The following MCOLN2 variants were observed in gnomAD, a reference collection of about 807,000 sequenced individuals.
The protein encoded by MCOLN2 is mucolipin TRP cation channel 2, also known as mucolipin-2.
In MCOLN2, 57 loss-of-function variants were observed where a neutral mutation model predicts 67.5. The observed-to-expected ratio is 0.84, with a 90% CI of 0.68 to 1.05. The LOEUF is 1.05. Ranked by LOEUF, MCOLN2 falls within the 50% of genes least tolerant of loss-of-function variation. MCOLN2 has a pLI of 0.00. For synonymous variants in MCOLN2, 246 were observed against 233.3 expected, an observed-to-expected ratio of 1.05 and a Z score of -0.50; for missense variants, 620 against 678.8, an observed-to-expected ratio of 0.91 and a Z score of 0.96.
Position 84,996,777 on chromosome 1 carries a change from T to G in MCOLN2, c.77+19A>C. 1 of 1,609,448 alleles carries G rather than the reference T, an allele frequency of 6.2e-7. No homozygotes were observed. The highest frequency in any genetic ancestry group is 8.5e-7 in the Non-Finnish European group (1 of 1,175,882). ...TTCTCCAGTCCAGCATCCTGAAAGATGAAGCCCAGACTCCTCACCTGACGG... is the reference window on the plus strand; with the variant it reads ...TTCTCCAGTCCAGCATCCTGAAAGAGGAAGCCCAGACTCCTCACCTGACGG... On this transcript the variant is annotated intron_variant, in intron 1 of 13. Coordinates refer to ENST00000370608, the MANE Select transcript of MCOLN2 (RefSeq NM_153259.4).
At chr1:84,996,740 C>A in intron 1 of MCOLN2, 56 bp downstream of exon 1, 1 of 1,519,114 alleles carries the variant, frequency 6.6e-7, no homozygotes, top group Non-Finnish European at 9.1e-7. Context: ...AAGCCATCGA[C>A]TTTAGGAAGA....
intron 4 of MCOLN2, among the ~76,000 whole-genome samples, chr1:84,955,153 T>C (rs543565162): frequency 6.6e-6 from 1 of 152,186 alleles, no homozygotes; most frequent in African/African-American, 2.4e-5. Flanking sequence ...TTCTCCTTCC[T>C]GCCACCATGT....
At chr1:84,936,041 G>A (rs1042560114) in intron 11 of MCOLN2, among the ~76,000 whole-genome samples, 6 of 152,144 alleles carry the variant, frequency 3.9e-5, no homozygotes, top group Admixed American at 6.6e-5. Context: ...GGCCGACCTG[G>A]GTTTGAATCC....
intron 1 of MCOLN2, among the ~76,000 whole-genome samples, chr1:84,994,474 C>T (rs1651051100): frequency 6.6e-6 from 1 of 152,216 alleles, no homozygotes; most frequent in African/African-American, 2.4e-5. Context: ...CATCTTCCAA[C>T]TAACTTGCTG....
Position 84,947,089 on chromosome 1 carries a change from T to C in MCOLN2, c.791A>G (p.Tyr264Cys), listed in dbSNP as rs776574978. The C allele has an allele frequency of 1.5e-5, 24 of 1,604,534 alleles. No individual in the cohort carries two copies. The highest frequency in any genetic ancestry group is 1.4e-4 in the South Asian group (13 of 90,850). The change falls in exon 7 of 14, where the codon TAT becomes TGT. Residue 264 changes from tyrosine to cysteine, a missense_variant. By Grantham distance (194) the Tyr-to-Cys change is radical. Coordinates refer to ENST00000370608, the MANE Select transcript of MCOLN2 (RefSeq NM_153259.4). ...TTCAATTTTGGCATCACTGTCAAAATAGATTTTGATTTTGCCACTGTGAGC... is the reference window on the plus strand; with the variant it reads ...TTCAATTTTGGCATCACTGTCAAAACAGATTTTGATTTTGCCACTGTGAGC... ...NKAHSGKIKIYFDSDAKIEEC... is the reference protein window; with the variant it reads ...NKAHSGKIKICFDSDAKIEEC...
chr1:84,993,788 G>A (rs535528780), intron 1 of MCOLN2, among the ~76,000 whole-genome samples: 10 of 151,130 alleles, frequency 6.6e-5, no homozygotes, highest in South Asian at 6.4e-4. Context: ...CCGCCACCAC[G>A]CCCGGCTAAT....
At chr1:84,983,912 T>C (rs1322709976) in intron 1 of MCOLN2, among the ~76,000 whole-genome samples, 4 of 152,042 alleles carry the variant, frequency 2.6e-5, no homozygotes, top group Non-Finnish European at 5.9e-5. Flanking sequence ...CCTGACCTTA[T>C]GTCCACCCAC....
chr1:84,984,858 G>A (rs1003162582), intron 1 of MCOLN2, among the ~76,000 whole-genome samples: 8 of 152,166 alleles, frequency 5.3e-5, no homozygotes, highest in African/African-American at 1.7e-4. Context: ...TGCTGGGCAT[G>A]CTGGCTCGTG....
chr1:84,987,439 G>GGTATATACATATATGAT (rs1439364363), intron 1 of MCOLN2, among the ~76,000 whole-genome samples: 1 of 97,644 alleles, frequency 1.0e-5, no homozygotes, highest in African/African-American at 4.8e-5. Context: ...TACGTATATA[G>GGTATATACATATATGAT]ATATATACAT....
intron 2 of MCOLN2, among the ~76,000 whole-genome samples, chr1:84,965,025 C>G (rs1649303369): frequency 6.6e-6 from 1 of 152,148 alleles, no homozygotes; most frequent in Non-Finnish European, 1.5e-5. Flanking sequence ...GGCCCCAAAA[C>G]TAGAGGAAAA....
intron 1 of MCOLN2, among the ~76,000 whole-genome samples, chr1:84,983,798 T>A (rs993905352): frequency 2.0e-5 from 3 of 150,622 alleles, no homozygotes; most frequent in Non-Finnish European, 4.4e-5. Context: ...TGCCTCAGCC[T>A]CCCGAGTAGC....
intron 1 of MCOLN2, among the ~76,000 whole-genome samples, chr1:84,988,600 C>T (rs193297880): frequency 5.5e-4 from 84 of 152,328 alleles, no homozygotes; most frequent in African/African-American, 2.0e-3. Flanking sequence ...GTCCCCATCA[C>T]TGTCTATGCA....
At position 84,952,246 on chromosome 1, in the gene MCOLN2, A is replaced by C; in HGVS notation, c.744T>G (p.Asn248Lys). 1 of 1,602,996 alleles carries C rather than the reference A, an allele frequency of 6.2e-7. No individual in the cohort carries two copies. Among genetic ancestry groups the C allele is most frequent in the Non-Finnish European group, 8.5e-7 (1 of 1,174,168 alleles). ...CTAGTAAAACAAAGATACTTGCCGT[A>C]TTCTGAAAGACATAACAGTCTGGTA... The part of the protein sequence containing the change: ...RELPDCYVFQ[N>K]TIIFDNKAHS... The change falls in exon 6 of 14, where the codon AAT becomes AAG. Residue 248 changes from asparagine to lysine, a missense_variant. Coordinates refer to ENST00000370608, the MANE Select transcript of MCOLN2 (RefSeq NM_153259.4).
At chr1:84,960,060 T>G (rs928620322) in intron 2 of MCOLN2, among the ~76,000 whole-genome samples, 1 of 152,186 alleles carries the variant, frequency 6.6e-6, no homozygotes, top group African/African-American at 2.4e-5. Context: ...ATAGCTAATA[T>G]TAATTTGCAT....
intron 1 of MCOLN2, among the ~76,000 whole-genome samples, chr1:84,967,713 AAGGGAAGGAAGG>A (rs916032134): frequency 4.2e-5 from 6 of 144,098 alleles, no homozygotes; most frequent in Admixed American, 4.1e-4. Flanking sequence ...AGAAGAAGAG[AAGGGAAGGAAGG>A]AGGGAAGGAG....
intron 2 of MCOLN2, among the ~76,000 whole-genome samples, chr1:84,961,822 A>G (rs1203211287): frequency 3.3e-5 from 5 of 152,190 alleles, no homozygotes; most frequent in African/African-American, 1.2e-4. Flanking sequence ...TATGAAATCA[A>G]TGTAGGATAA....
chr1:84,996,042 A>T (rs1557670790), intron 1 of MCOLN2, among the ~76,000 whole-genome samples: 1 of 152,068 alleles, frequency 6.6e-6, no homozygotes, highest in African/African-American at 2.4e-5. Flanking sequence ...CGGGAGTTTG[A>T]CTCCTCTTAA....
intron 2 of MCOLN2, among the ~76,000 whole-genome samples, chr1:84,962,511 C>T (rs1239087460): frequency 6.6e-6 from 1 of 152,044 alleles, no homozygotes; most frequent in African/African-American, 2.4e-5. Flanking sequence ...CCACTGCACT[C>T]CAGCCTGGGT....
rs1361159236 is a variant in MCOLN2, at chr1:84,996,997, C to G, written c.-125G>C. ...GTTGGAGCCCTGCAAAGCGGGGTTC[C>G]CTTCTCTTACCCTTTCTGCCGGCCG... is the stretch of plus-strand genomic sequence containing the variant. On this transcript the variant is annotated 5_prime_UTR_variant, in exon 1 of 14. Coordinates refer to ENST00000370608, the MANE Select transcript of MCOLN2 (RefSeq NM_153259.4). The G allele has an allele frequency of 2.5e-6, 2 of 809,508 alleles. No individual in the cohort carries two copies. The highest frequency in any genetic ancestry group is 1.7e-5 in the African/African-American group (1 of 58,168). 50.1% of individuals were successfully genotyped at this position (809,508 alleles called of 1,614,324 possible). A position where few individuals can be genotyped will look rare whatever the true frequency, so the allele number is the denominator to read the frequency against.
Sources: allele counts gnomAD v4.1 joint callset (sites outside exome capture counted in the v4.1 genomes callset), GRCh38; gene constraint gnomAD v4.1.1; transcripts MANE v1.5; gene names NCBI Gene and HGNC (gene_info 2026-07-23, HGNC 2026-07-21).